PCDHA5: variants seen among roughly 807,000 people sequenced by gnomAD.
The protein encoded by PCDHA5 is protocadherin alpha 5.
Under a neutral mutation model 61.6 loss-of-function variants are expected in PCDHA5, and 43 were observed. The ratio of observed to expected loss-of-function variants is 0.70; its 90% CI spans 0.55 to 0.90. The LOEUF (loss-of-function observed/expected upper bound fraction) is 0.90, where lower values mean the gene tolerates loss of function less well. PCDHA5 is among the 40% of genes least tolerant of loss of function. The pLI is 0.00. For missense variants in PCDHA5, 1,298 were observed against 1,222.7 expected, an observed-to-expected ratio of 1.06 and a Z score of -0.92; for synonymous variants, 627 against 543.9, an observed-to-expected ratio of 1.15 and a Z score of -2.13.
At chr5:140,967,166 G>T (rs563863114) in intron 1 of PCDHA5, 1 of 1,611,394 alleles carries the variant, frequency 6.2e-7, no homozygotes, top group South Asian at 1.1e-5. Context: ...GGTGAGCGCC[G>T]TTGAGGTGGA....
At chr5:140,970,152 A>G (rs899776182) in intron 1 of PCDHA5, among the ~76,000 whole-genome samples, 22 of 152,224 alleles carry the variant, frequency 1.4e-4, no homozygotes, top group Non-Finnish European at 2.5e-4. Flanking sequence ...AATTCTCCCA[A>G]TAGTCACCTT....
intron 1 of PCDHA5, chr5:140,830,967 T>C (rs1771307756): frequency 6.6e-6 from 1 of 152,346 alleles, no homozygotes; most frequent in Non-Finnish European, 1.5e-5. Flanking sequence ...TTTTATCCAT[T>C]TTGTGTAAGA....
rs2150476991 is a variant in PCDHA5 at position 140,850,274 on chromosome 5, G to T, written c.2352+26147G>T. Reference sequence around the variant, plus strand: ...TGGGCGCCGGCGTAGTGGTGGGGAAGGTGCGCGCAGTGGACGCCGACTCGG... The same window carrying T: ...TGGGCGCCGGCGTAGTGGTGGGGAATGTGCGCGCAGTGGACGCCGACTCGG... On this transcript the variant is annotated intron_variant, in intron 1 of 3. Coordinates refer to ENST00000529859, the MANE Select transcript of PCDHA5 (RefSeq NM_018908.3). The T allele has an allele frequency of 3.8e-6, 6 of 1,595,442 alleles. 1 individual carries two copies. In the African/African-American group the frequency reaches 4.0e-5, roughly 11 times the overall value.
At chr5:140,887,263 A>AT (rs1336620900) in intron 1 of PCDHA5, among the ~76,000 whole-genome samples, 1 of 151,790 alleles carries the variant, frequency 6.6e-6, no homozygotes, top group Non-Finnish European at 1.5e-5. Flanking sequence ...CGCCCTGCTA[A>AT]TTTTTTGTAT....
In PCDHA5 at chr5:140,980,207, CT is replaced by C. The variant is rs2096880359; in HGVS notation, c.2411+1204del. Among the ~76,000 whole-genome samples, 4 of 152,182 alleles carry C rather than the reference CT, an allele frequency of 2.6e-5. No individual in the cohort carries two copies. In the South Asian group the frequency reaches 8.3e-4, roughly 31 times the overall value. On this transcript the variant is annotated intron_variant, in intron 2 of 3. Coordinates refer to ENST00000529859, the MANE Select transcript of PCDHA5 (RefSeq NM_018908.3). ...TATATTTATTAGAGACCAACTTGTGCTTTTGCCTGCATCTGAGCTGTTGGTG... is the reference window on the plus strand; with the variant it reads ...TATATTTATTAGAGACCAACTTGTGCTTTGCCTGCATCTGAGCTGTTGGTG...
intron 3 of PCDHA5, among the ~76,000 whole-genome samples, chr5:140,998,895 A>G (rs545479952): frequency 1.3e-4 from 20 of 152,354 alleles, no homozygotes; most frequent in Non-Finnish European, 1.8e-4. Flanking sequence ...ATAAATAACA[A>G]TGCCTCCGGG....
chr5:140,859,825 T>A (rs752840072), intron 1 of PCDHA5: 18 of 152,366 alleles, frequency 1.2e-4, no homozygotes, highest in Non-Finnish European at 2.3e-4. Context: ...AGTTTAGAAG[T>A]GTATTTGTTA....
intron 1 of PCDHA5, among the ~76,000 whole-genome samples, chr5:140,941,241 TTCTTTCTTTCTTTC>T (rs1247398838): frequency 5.8e-4 from 81 of 140,456 alleles, no homozygotes; most frequent in African/African-American, 2.0e-3. Flanking sequence ...CTTTCTTTCT[TTCTTTCTTTCTTTC>T]TCTTTCTTTC....
At chr5:140,924,901 A>AT (rs1554202312) in intron 1 of PCDHA5, among the ~76,000 whole-genome samples, 3 of 80,456 alleles carry the variant, frequency 3.7e-5, no homozygotes, top group African/African-American at 8.6e-5. Context: ...TCTCAAAAAA[A>AT]AAAATAAAAT....
chr5:140,828,232 G>C lies in PCDHA5; in HGVS notation c.2352+4105G>C, dbSNP rs111975849. ...CCAAACACGGCACCTTCGTGGGCCGGATCGCGCAGGACCTGGGGCTGGAGC... is the reference window on the plus strand; with the variant it reads ...CCAAACACGGCACCTTCGTGGGCCGCATCGCGCAGGACCTGGGGCTGGAGC... On this transcript the variant is annotated intron_variant, in intron 1 of 3. Transcript: ENST00000529859. The C allele has an allele frequency of 3.8e-5, 61 of 1,613,964 alleles. 1 individual carries two copies. The highest frequency in any genetic ancestry group is 2.1e-4 in the African/African-American group (16 of 75,074).
Position 140,961,691 on chromosome 5 carries a change from T to A in PCDHA5, c.2353-17258T>A, listed in dbSNP as rs963909259. On this transcript the variant is annotated intron_variant, in intron 1 of 3. Transcript: ENST00000529859. Reference sequence around the variant, plus strand: ...GTTTTTAATTAAGCCGGAGTAGTCCTTAGTATGAATGCCTTCATTTCTAAG... The same window carrying A: ...GTTTTTAATTAAGCCGGAGTAGTCCATAGTATGAATGCCTTCATTTCTAAG... Among the ~76,000 whole-genome samples the A allele has an allele frequency of 2.0e-5, 3 of 152,340 alleles. No individual in the cohort carries two copies. In the East Asian group the frequency reaches 5.8e-4, roughly 29 times the overall value.
chr5:140,873,012 T>G (rs542650049), intron 1 of PCDHA5, among the ~76,000 whole-genome samples: 1 of 152,192 alleles, frequency 6.6e-6, no homozygotes. Context: ...TTCTTCATAT[T>G]TAGTTATTCT....
At chr5:140,909,344 C>T (rs900022411) in intron 1 of PCDHA5, among the ~76,000 whole-genome samples, 1 of 152,164 alleles carries the variant, frequency 6.6e-6, no homozygotes, top group Non-Finnish European at 1.5e-5. Context: ...TACCAGGTAC[C>T]AAGAGATGTG....
chr5:140,914,639 G>C (rs1348153716), intron 1 of PCDHA5, among the ~76,000 whole-genome samples: 5 of 151,890 alleles, frequency 3.3e-5, no homozygotes, highest in Admixed American at 3.3e-4. Context: ...TGGTTTCATG[G>C]TCATCTCTCC....
intron 3 of PCDHA5, among the ~76,000 whole-genome samples, chr5:140,995,247 A>G (rs1377733694): frequency 6.6e-6 from 1 of 152,186 alleles, no homozygotes; most frequent in Non-Finnish European, 1.5e-5. Context: ...TAAGTAAAAT[A>G]AGGGTACTTG....
intron 1 of PCDHA5, among the ~76,000 whole-genome samples, chr5:140,961,059 G>A (rs2095587077): frequency 6.6e-6 from 1 of 152,076 alleles, no homozygotes; most frequent in African/African-American, 2.4e-5. Flanking sequence ...AATGTTGAAT[G>A]GGATATCTGG....
rs782491268 is a variant in PCDHA5 at position 140,857,317 on chromosome 5, G to T, written c.2352+33190G>T. 1.5e-5 allele frequency: 24 copies of T among 1,598,644 alleles called. 2 individuals carry two copies. The highest frequency in any genetic ancestry group is 1.9e-5 in the Non-Finnish European group (22 of 1,168,052). ...AGAGGGTGTCGGCCTATGAGCTGGTGGTGACCGCGCGGGACGGGGGCTCGC... is the reference window on the plus strand; with the variant it reads ...AGAGGGTGTCGGCCTATGAGCTGGTTGTGACCGCGCGGGACGGGGGCTCGC... On this transcript the variant is annotated intron_variant, in intron 1 of 3. Transcript: ENST00000529859.
chr5:140,835,554 C>T (rs2150238113), intron 1 of PCDHA5: 7 of 1,613,942 alleles, frequency 4.3e-6, no homozygotes, highest in Non-Finnish European at 5.9e-6. Context: ...CTCCCTGACG[C>T]CCCGCGTTCC....
intron 2 of PCDHA5, 37 bp from the exon 3 acceptor site, chr5:140,982,438 T>G: frequency 3.8e-5 from 61 of 1,608,838 alleles, no homozygotes; most frequent in Non-Finnish European, 4.8e-5. Context: ...AAAGAATTTA[T>G]GATCTAACCG....
Sources: allele counts gnomAD v4.1 joint callset (sites outside exome capture counted in the v4.1 genomes callset), GRCh38; gene constraint gnomAD v4.1.1; transcripts MANE v1.5; gene names NCBI Gene and HGNC (gene_info 2026-07-23, HGNC 2026-07-21).